The following WDPCP variants were observed in gnomAD, a reference collection of about 807,000 sequenced individuals.
WDPCP encodes WD repeat containing planar cell polarity effector, also known as WD repeat-containing and planar cell polarity effector protein fritz homolog.
A neutral mutation model predicts 93.1 loss-of-function variants in WDPCP; 71 were observed. The ratio of observed to expected loss-of-function variants is 0.76; its 90% CI spans 0.63 to 0.93. WDPCP has a LOEUF of 0.93. Among genes scored for constraint, WDPCP ranks in the 40% least tolerant of loss-of-function variants. WDPCP has a pLI of 0.00. For synonymous variants in WDPCP, 315 were observed against 315.0 expected, an observed-to-expected ratio of 1.00 and a Z score of 0.00; for missense variants, 844 against 887.4, an observed-to-expected ratio of 0.95 and a Z score of 0.62.
intron 14 of WDPCP, among the ~76,000 whole-genome samples, chr2:63,215,207 T>TACC (rs1468202802): frequency 6.6e-6 from 1 of 152,190 alleles, no homozygotes; most frequent in Non-Finnish European, 1.5e-5. Flanking sequence ...GGCATCATGC[T>TACC]ACCTGACTTC....
chr2:63,170,081 A>G (rs746581523), intron 15 of WDPCP, among the ~76,000 whole-genome samples: 4 of 148,752 alleles, frequency 2.7e-5, no homozygotes, highest in African/African-American at 7.5e-5. Context: ...TTCAGTAGAG[A>G]TGAGGTCTCG....
chr2:63,356,665 T>C (rs1690040232), intron 12 of WDPCP, among the ~76,000 whole-genome samples: 1 of 152,208 alleles, frequency 6.6e-6, no homozygotes, highest in Admixed American at 6.5e-5. Flanking sequence ...AATATGCTCC[T>C]GAATGACTTT....
At chr2:63,271,260 C>T (rs776643574) in intron 13 of WDPCP, among the ~76,000 whole-genome samples, 4 of 152,354 alleles carry the variant, frequency 2.6e-5, no homozygotes, top group African/African-American at 4.8e-5. Flanking sequence ...AGCCAATGTG[C>T]ACTTGCACAT....
chr2:63,567,229 C>G (rs750943907), intron 1 of WDPCP, among the ~76,000 whole-genome samples: 1 of 152,162 alleles, frequency 6.6e-6, no homozygotes, highest in Non-Finnish European at 1.5e-5. Flanking sequence ...CCCTAGAGGT[C>G]AGGGAGTGGG....
intron 6 of WDPCP, among the ~76,000 whole-genome samples, chr2:63,461,136 G>A (rs1194404473): frequency 4.6e-5 from 7 of 152,166 alleles, no homozygotes; most frequent in Non-Finnish European, 8.8e-5. Context: ...CAGGTAGCAA[G>A]AGATAGTATG....
intron 10 of WDPCP, among the ~76,000 whole-genome samples, chr2:63,386,558 T>G (rs1692746601): frequency 6.6e-6 from 1 of 152,094 alleles, no homozygotes; most frequent in Non-Finnish European, 1.5e-5. Context: ...GTGTTAGAAC[T>G]TGGAGCAACT....
At chr2:63,271,555 C>T (rs1049369361) in intron 13 of WDPCP, among the ~76,000 whole-genome samples, 9 of 152,182 alleles carry the variant, frequency 5.9e-5, no homozygotes, top group African/African-American at 1.9e-4. Context: ...TGACTCATCC[C>T]ATCACTGTCA....
chr2:63,177,963 G>T (rs1238343885), intron 14 of WDPCP, among the ~76,000 whole-genome samples: 2 of 152,046 alleles, frequency 1.3e-5, no homozygotes, highest in Non-Finnish European at 2.9e-5. Flanking sequence ...ATGCTTTTTT[G>T]TGTGTGTATC....
intron 2 of WDPCP, among the ~76,000 whole-genome samples, chr2:63,721,726 C>G (rs1257744536): frequency 7.0e-6 from 1 of 143,692 alleles, no homozygotes; most frequent in Non-Finnish European, 1.5e-5. Flanking sequence ...CCCTCCTCCT[C>G]CCCCTCTCCC....
At chr2:63,205,831 G>A (rs1157985081) in intron 14 of WDPCP, among the ~76,000 whole-genome samples, 2 of 152,034 alleles carry the variant, frequency 1.3e-5, no homozygotes, top group Non-Finnish European at 2.9e-5. Context: ...TCTCTTGTCC[G>A]ATTGCTCTTG....
chr2:63,444,857 T>A (rs530752327), intron 6 of WDPCP, among the ~76,000 whole-genome samples: 1 of 152,208 alleles, frequency 6.6e-6, no homozygotes, highest in Non-Finnish European at 1.5e-5. Flanking sequence ...TTATTATTCC[T>A]GCTCTGACCA....
intron 14 of WDPCP, among the ~76,000 whole-genome samples, chr2:63,221,930 G>T (rs764958788): frequency 6.6e-6 from 1 of 152,130 alleles, no homozygotes; most frequent in African/African-American, 2.4e-5. Flanking sequence ...GCAAATCCTA[G>T]GAACATTTAA....
intron 3 of WDPCP, among the ~76,000 whole-genome samples, chr2:63,637,472 G>A (rs956169430): frequency 4.2e-5 from 6 of 141,864 alleles, no homozygotes; most frequent in Non-Finnish European, 7.6e-5. Flanking sequence ...CAACAAAATG[G>A]AAAGGCAACC....
chr2:63,497,549 G>A (rs1701306884), intron 1 of WDPCP, among the ~76,000 whole-genome samples: 1 of 152,136 alleles, frequency 6.6e-6, no homozygotes, highest in Non-Finnish European at 1.5e-5. Context: ...AATCAATGGA[G>A]TAAATAAAAC....
At chr2:63,243,727 T>C (rs1235037889) in intron 14 of WDPCP, among the ~76,000 whole-genome samples, 2 of 152,006 alleles carry the variant, frequency 1.3e-5, no homozygotes, top group Non-Finnish European at 2.9e-5. Flanking sequence ...TCTAGACCTA[T>C]GAAAAGACTA....
intron 14 of WDPCP, among the ~76,000 whole-genome samples, chr2:63,239,969 T>C (rs1290451048): frequency 1.3e-5 from 2 of 152,176 alleles, no homozygotes; most frequent in South Asian, 2.1e-4. Context: ...AGTTATATGT[T>C]GGCTAGAATT....
intron 12 of WDPCP, among the ~76,000 whole-genome samples, chr2:63,343,825 G>T (rs1403935557): frequency 6.6e-6 from 1 of 151,982 alleles, no homozygotes. Context: ...TATCATTTTG[G>T]TTCTTATATT....
At chr2:63,492,619 G>C (rs991285711) in intron 2 of WDPCP, among the ~76,000 whole-genome samples, 1 of 151,888 alleles carries the variant, frequency 6.6e-6, no homozygotes, top group Non-Finnish European at 1.5e-5. Flanking sequence ...TATCTTAAGA[G>C]AGAACAAATA....
At chr2:63,153,996 C>A (rs1395470906) in intron 15 of WDPCP, among the ~76,000 whole-genome samples, 1 of 151,678 alleles carries the variant, frequency 6.6e-6, no homozygotes, top group Non-Finnish European at 1.5e-5. Flanking sequence ...AAACCCCCCA[C>A]CAAAACATAG....
Sources: gnomAD v4.1 joint callset for allele counts (sites outside exome capture counted in the v4.1 genomes callset) on GRCh38, gnomAD v4.1.1 for gene constraint, MANE v1.5 for transcripts, NCBI Gene and HGNC (gene_info 2026-07-23, HGNC 2026-07-21) for gene names.